The following EVA1C variants were observed in gnomAD, a reference collection of about 807,000 sequenced individuals.
EVA1C encodes protein eva-1 homolog C.
Under a neutral mutation model 45.4 loss-of-function variants are expected in EVA1C, and 25 were observed. The observed-to-expected ratio is 0.55, with a 90% CI of 0.40 to 0.77. The LOEUF (loss-of-function observed/expected upper bound fraction) is 0.77. Ranked by LOEUF, EVA1C falls within the 30% of genes least tolerant of loss-of-function variation. The pLI is 0.00. For synonymous variants in EVA1C, 190 were observed against 221.2 expected (o/e 0.86, Z 1.25); for missense variants, 479 against 554.8 (o/e 0.86, Z 1.37).
At chr21:32,422,600 C>G (rs1408411761) in intron 1 of EVA1C, among the ~76,000 whole-genome samples, 2 of 152,118 alleles carry the variant, frequency 1.3e-5, no homozygotes, top group East Asian at 3.8e-4. Flanking sequence ...GAAATGTTAT[C>G]TATAAAGTCT....
chr21:32,501,407 G>A lies in EVA1C; in HGVS notation c.779-8G>A, dbSNP rs766860667. The A allele has an allele frequency of 7.0e-6, 11 of 1,579,674 alleles. No individual in the cohort carries two copies. The Admixed American group carries it at 2.0e-4, about 29-fold the overall frequency. ...ACGAATTTAAAATATTTCTTTTTTGGCTTTTAGTTCCCAAGAACATACTCA... is the reference window on the plus strand; with the variant it reads ...ACGAATTTAAAATATTTCTTTTTTGACTTTTAGTTCCCAAGAACATACTCA... On this transcript the variant is annotated splice_region_variant and splice_polypyrimidine_tract_variant and intron_variant, in intron 5 of 7. Coordinates refer to ENST00000300255, the MANE Select transcript of EVA1C (RefSeq NM_058187.5).
Position 32,425,720 on chromosome 21 carries a change from A to T in EVA1C, c.160+12707A>T, listed in dbSNP as rs1001083911. On this transcript the variant is annotated intron_variant, in intron 1 of 7. Coordinates refer to ENST00000300255, the MANE Select transcript of EVA1C (RefSeq NM_058187.5). ...TATTTAGTTGAAACCAGTGATTCTC[A>T]GTCCAAGAGTGATTTTGTCCCTTGG... 5.3e-5 allele frequency among the ~76,000 whole-genome samples: 8 copies of T among 152,278 alleles called. No individual in the cohort carries two copies. In the South Asian group the frequency reaches 1.7e-3, roughly 32 times the overall value.
intron 1 of EVA1C, among the ~76,000 whole-genome samples, chr21:32,425,939 T>G (rs1190206746): frequency 2.0e-5 from 3 of 151,132 alleles, no homozygotes; most frequent in Admixed American, 6.6e-5. Flanking sequence ...TTCCACACTT[T>G]TAGAACCTGA....
At chr21:32,470,939 A>G (rs2036348658) in intron 4 of EVA1C, among the ~76,000 whole-genome samples, 1 of 151,674 alleles carries the variant, frequency 6.6e-6, no homozygotes, top group African/African-American at 2.4e-5. Context: ...TTGTATTTTT[A>G]GTAGAGACGG....
chr21:32,506,385 A>ATT (rs200120661), intron 7 of EVA1C, among the ~76,000 whole-genome samples: 1 of 151,084 alleles, frequency 6.6e-6, no homozygotes, highest in African/African-American at 2.4e-5. Flanking sequence ...TAAGATGTCC[A>ATT]TTTTTTTAAA....
chr21:32,416,262 A>G (rs2034036982), intron 1 of EVA1C, among the ~76,000 whole-genome samples: 1 of 149,414 alleles, frequency 6.7e-6, no homozygotes, highest in Admixed American at 6.7e-5. Flanking sequence ...GCTGAAGGTA[A>G]GCTGGGTCTT....
intron 1 of EVA1C, among the ~76,000 whole-genome samples, chr21:32,446,766 C>G (rs2035377542): frequency 6.6e-6 from 1 of 152,224 alleles, no homozygotes; most frequent in African/African-American, 2.4e-5. Flanking sequence ...CATCTTCACT[C>G]TCAGTCCTGG....
At chr21:32,482,068 C>T (rs1160817477) in intron 4 of EVA1C, among the ~76,000 whole-genome samples, 1 of 152,218 alleles carries the variant, frequency 6.6e-6, no homozygotes, top group African/African-American at 2.4e-5. Flanking sequence ...ATTGTTCCCA[C>T]TGCCCACACC....
rs541753017 is a variant in EVA1C at position 32,510,355 on chromosome 21, G to A, written c.950-4459G>A. On this transcript the variant is annotated intron_variant, in intron 7 of 7. Coordinates refer to ENST00000300255, the MANE Select transcript of EVA1C (RefSeq NM_058187.5). ...CAGGTGTGAGCCACCACTCCCGGCC[G>A]ATTTCCGCCATTACTTTTGCACCAA... 6.9e-4 allele frequency among the ~76,000 whole-genome samples: 105 copies of A among 152,104 alleles called. 1 individual carries two copies. Among genetic ancestry groups the A allele is most frequent in the African/African-American group, 2.0e-3 (82 of 41,522 alleles).
intron 4 of EVA1C, among the ~76,000 whole-genome samples, chr21:32,473,369 G>A (rs1279838363): frequency 6.6e-6 from 1 of 152,194 alleles, no homozygotes; most frequent in East Asian, 1.9e-4. Context: ...CACTGTAGCT[G>A]TACATGAAGG....
chr21:32,488,272 G>C (rs1672793976), intron 4 of EVA1C, among the ~76,000 whole-genome samples: 1 of 152,128 alleles, frequency 6.6e-6, no homozygotes, highest in Non-Finnish European at 1.5e-5. Flanking sequence ...ACACACAGTT[G>C]GTATTTTCAG....
chr21:32,412,683 C>G (rs2033863823), upstream of EVA1C: 5 of 518,224 alleles, frequency 9.6e-6, no homozygotes, highest in Non-Finnish European at 1.2e-5. Context: ...TTTGCTGGGG[C>G]GCCTGGGCTG....
At chr21:32,504,055 T>C (rs546784437) in intron 7 of EVA1C, 40 bp downstream of exon 7, 1 of 1,356,628 alleles carries the variant, frequency 7.4e-7, no homozygotes, top group East Asian at 2.3e-5. Flanking sequence ...TGCTGATGGA[T>C]TTACTAAAGT....
At chr21:32,492,331 G>C (rs769182068) in intron 4 of EVA1C, among the ~76,000 whole-genome samples, 5 of 152,136 alleles carry the variant, frequency 3.3e-5, no homozygotes, top group African/African-American at 4.8e-5. Context: ...CAGTTTCGGG[G>C]TGTGTGTGGG....
At chr21:32,478,890 C>T (rs2036677494) in intron 4 of EVA1C, among the ~76,000 whole-genome samples, 1 of 152,258 alleles carries the variant, frequency 6.6e-6, no homozygotes, top group African/African-American at 2.4e-5. Flanking sequence ...GGGCTAAGGC[C>T]ACTCCGAGGC....
intron 1 of EVA1C, among the ~76,000 whole-genome samples, chr21:32,425,440 T>C (rs2034454691): frequency 6.6e-6 from 1 of 151,168 alleles, no homozygotes; most frequent in South Asian, 2.1e-4. Flanking sequence ...TGTCTCAGCC[T>C]CCCAAAGTGC....
chr21:32,481,940 A>ATTTAGACTCTAAT (rs2036804883), intron 4 of EVA1C, among the ~76,000 whole-genome samples: 1 of 152,240 alleles, frequency 6.6e-6, no homozygotes, highest in Admixed American at 6.5e-5. Flanking sequence ...CAAAGAGAGC[A>ATTTAGACTCTAAT]TGTAATTTAG....
At chr21:32,473,915 C>G (rs115726365) in intron 4 of EVA1C, 3 of 985,270 alleles carry the variant, frequency 3.0e-6, no homozygotes, top group African/African-American at 3.5e-5. Context: ...TGTCTTTCAG[C>G]CTTTTTGTGC....
chr21:32,471,913 C>T (rs368558566), intron 4 of EVA1C, among the ~76,000 whole-genome samples: 25 of 152,158 alleles, frequency 1.6e-4, no homozygotes, highest in African/African-American at 5.8e-4. Context: ...CAGGCGTGAG[C>T]AACCGCACTC....
Sources: allele counts gnomAD v4.1 joint callset (sites outside exome capture counted in the v4.1 genomes callset), GRCh38; gene constraint gnomAD v4.1.1; transcripts MANE v1.5; gene names NCBI Gene and HGNC (gene_info 2026-07-23, HGNC 2026-07-21).